UTP18: variants seen among roughly 807,000 people sequenced by gnomAD.
UTP18 encodes the protein UTP18 small subunit processome component, also known as U3 small nucleolar RNA-associated protein 18 homolog.
Under a neutral mutation model 61.1 loss-of-function variants are expected in UTP18, and 36 were observed. That is an observed-to-expected ratio of 0.59 (90% CI 0.45 to 0.78). UTP18 has a LOEUF of 0.78. Ranked by LOEUF, UTP18 falls within the 30% of genes least tolerant of loss-of-function variation. The pLI, the probability that UTP18 is intolerant of heterozygous loss-of-function variation, is 0.00. For synonymous variants in UTP18, 282 were observed against 251.1 expected, an observed-to-expected ratio of 1.12 and a Z score of -1.16; for missense variants, 753 against 693.9, an observed-to-expected ratio of 1.09 and a Z score of -0.96.
At position 51,273,395 on chromosome 17, in the gene UTP18, A is replaced by C. The variant is rs1418443072; in HGVS notation, c.656A>C (p.Gln219Pro). The C allele has an allele frequency of 6.2e-7, 1 of 1,610,976 alleles. No individual in the cohort carries two copies. Among genetic ancestry groups the C allele is most frequent in the Non-Finnish European group, 8.5e-7 (1 of 1,178,658 alleles). Residue 219 changes from glutamine (Q) to proline (P), a missense_variant, in exon 5 of 14, where the codon CAA becomes CCA. Physicochemically the swap from Gln to Pro is moderately conservative, Grantham distance 76. Coordinates refer to ENST00000225298, the MANE Select transcript of UTP18 (RefSeq NM_016001.3). ...ESEEDEDDLL[Q>P]RTGNFISTST... is the part of the protein sequence containing the mutation. Reference sequence around the variant, plus strand: ...GAAGAGGATGAAGATGATTTGTTGCAAAGGACTGGGAATTTCATATCCACA... The same window carrying C: ...GAAGAGGATGAAGATGATTTGTTGCCAAGGACTGGGAATTTCATATCCACA...
intron 11 of UTP18, among the ~76,000 whole-genome samples, chr17:51,292,274 C>G (rs539354708): frequency 6.6e-6 from 1 of 152,178 alleles, no homozygotes; most frequent in Non-Finnish European, 1.5e-5. Context: ...GAAGTGAAGT[C>G]CAAATTGGGG....
chr17:51,264,872 G>A (rs1185313710), intron 2 of UTP18, among the ~76,000 whole-genome samples: 1 of 151,820 alleles, frequency 6.6e-6, no homozygotes, highest in South Asian at 2.1e-4. Flanking sequence ...TAGTAGAGAC[G>A]GGGTTTTACC....
intron 3 of UTP18, among the ~76,000 whole-genome samples, chr17:51,267,537 C>T (rs1466354214): frequency 6.7e-6 from 1 of 148,498 alleles, no homozygotes; most frequent in Non-Finnish European, 1.5e-5. Context: ...CTTTGCATTT[C>T]CTCTTCCCTC....
At chr17:51,281,164 A>ATATATATATATATTT (rs59857038) in intron 9 of UTP18, among the ~76,000 whole-genome samples, 1 of 140,436 alleles carries the variant, frequency 7.1e-6, no homozygotes, top group African/African-American at 2.7e-5. Flanking sequence ...ATATATATAT[A>ATATATATATATATTT]TTTTTTTTAA....
chr17:51,279,903 C>A, intron 7 of UTP18, 102 bp from the exon 8 acceptor site: 1 of 945,678 alleles, frequency 1.1e-6, no homozygotes, highest in Non-Finnish European at 1.6e-6. Flanking sequence ...TAATTTGAGC[C>A]ACTTACGTAT....
intron 2 of UTP18, 120 bp from the exon 3 acceptor site, chr17:51,266,062 C>A: frequency 2.9e-6 from 2 of 682,076 alleles, no homozygotes; most frequent in Non-Finnish European, 4.5e-6. Context: ...GAAATGTTCA[C>A]ATCTTAAAAA....
At chr17:51,286,622 C>G in intron 10 of UTP18, 2 of 455,110 alleles carry the variant, frequency 4.4e-6, no homozygotes, top group South Asian at 3.1e-5. Context: ...AGTAACAGAT[C>G]CCTTGGAGGG....
intron 12 of UTP18, among the ~76,000 whole-genome samples, chr17:51,294,791 A>G (rs566551593): frequency 5.9e-4 from 90 of 152,112 alleles, no homozygotes; most frequent in African/African-American, 2.1e-3. Context: ...GACTTCCACA[A>G]TGGTTGAACT....
intron 10 of UTP18, among the ~76,000 whole-genome samples, chr17:51,286,127 A>G (rs570683277): frequency 1.3e-5 from 2 of 152,348 alleles, no homozygotes; most frequent in African/African-American, 4.8e-5. Context: ...ATTTGATAGT[A>G]TTGTAGAAAC....
chr17:51,288,471 G>C, intron 11 of UTP18: 2 of 491,540 alleles, frequency 4.1e-6, no homozygotes, highest in East Asian at 5.3e-5. Flanking sequence ...GTTTCTTTTA[G>C]TATTAATGTT....
intron 7 of UTP18, 42 bp downstream of exon 7, chr17:51,277,346 A>G: frequency 6.2e-7 from 1 of 1,603,300 alleles, no homozygotes; most frequent in Non-Finnish European, 8.5e-7. Context: ...CATTCCCCCC[A>G]AGGTGAGTTT....
chr17:51,277,264 C>T lies in UTP18; in HGVS notation c.972C>T (p.Asp324=). 1.9e-6 allele frequency: 3 copies of T among 1,614,146 alleles called. No individual in the cohort carries two copies. The highest frequency in any genetic ancestry group is 2.5e-6 in the Non-Finnish European group (3 of 1,180,014). The change falls in exon 7 of 14, where the codon GAC becomes GAT. Residue 324 remains aspartate, a synonymous_variant. Transcript: ENST00000225298. The part of the protein sequence containing the change: ...STHSKVLYVY[D]MLAGKLIPVH... The stretch of plus-strand genomic sequence containing the variant: ...ACAGCAAGGTTCTTTATGTCTATGA[C>T]ATGCTGGCTGGAAAGTTAATTCCTG...
chr17:51,280,161 A>G (rs1182912535), intron 8 of UTP18, 56 bp downstream of exon 8: 5 of 1,529,676 alleles, frequency 3.3e-6, no homozygotes, highest in Non-Finnish European at 4.5e-6. Flanking sequence ...GTGTAGGGAT[A>G]GTCTTGCACC....
chr17:51,267,411 A>G (rs2055571608), intron 3 of UTP18, among the ~76,000 whole-genome samples: 2 of 151,426 alleles, frequency 1.3e-5, no homozygotes. Flanking sequence ...TAGTATATTT[A>G]GAATGTTGTG....
intron 4 of UTP18, 73 bp from the exon 5 acceptor site, chr17:51,273,289 T>C (rs1163584947): frequency 2.7e-6 from 3 of 1,106,788 alleles, no homozygotes; most frequent in Non-Finnish European, 2.5e-6. Flanking sequence ...AATATATTCA[T>C]AGAAGTTTGG....
At chr17:51,266,078 A>G in intron 2 of UTP18, 104 bp from the exon 3 acceptor site, 1 of 796,926 alleles carries the variant, frequency 1.3e-6, no homozygotes, top group Non-Finnish European at 1.8e-6. Context: ...AAAAATCTTG[A>G]CCTATATTGT....
intron 11 of UTP18, among the ~76,000 whole-genome samples, chr17:51,291,973 TGATCATCTGCTTTCCTGATGCTTTG>T (rs1344292017): frequency 2.0e-5 from 3 of 152,172 alleles, no homozygotes; most frequent in Non-Finnish European, 4.4e-5. Context: ...GTTTTTTTCC[TGATCATCTGCTTTCCTGATGCTTTG>T]GATCATCTGT....
chr17:51,267,354 T>G (rs147997292), intron 3 of UTP18, among the ~76,000 whole-genome samples: 134 of 152,282 alleles, frequency 8.8e-4, no homozygotes, highest in African/African-American at 3.2e-3. Flanking sequence ...TGAGGTGAAA[T>G]TCACATAACA....
intron 9 of UTP18, among the ~76,000 whole-genome samples, chr17:51,283,790 T>G (rs1905027530): frequency 6.6e-6 from 1 of 151,902 alleles, no homozygotes; most frequent in African/African-American, 2.4e-5. Context: ...AATTTTTGTA[T>G]TTTTAGTAGA....
Sources: allele counts gnomAD v4.1 joint callset (sites outside exome capture counted in the v4.1 genomes callset), GRCh38; gene constraint gnomAD v4.1.1; transcripts MANE v1.5; gene names NCBI Gene and HGNC (gene_info 2026-07-23, HGNC 2026-07-21).